Variants in MLLT10 observed in about 807,000 individuals in gnomAD.
The protein encoded by MLLT10 is protein AF-10.
MLLT10 carries 30 observed loss-of-function variants against 129.1 expected under a neutral mutation model. The ratio of observed to expected loss-of-function variants is 0.23; its 90% confidence interval spans 0.17 to 0.32. The LOEUF is 0.32. MLLT10 is among the 10% of genes least tolerant of loss of function. MLLT10 has a pLI of 1.00. For missense variants in MLLT10, 1,119 were observed against 1,268.3 expected (o/e 0.88, Z 1.79); for synonymous variants, 490 against 446.4 (o/e 1.10, Z -1.23).
chr10:21,738,626 C>T (rs2058578962), intron 21 of MLLT10: 2 of 1,145,476 alleles, frequency 1.7e-6, no homozygotes, highest in Non-Finnish European at 1.1e-6. Flanking sequence ...CTGCTTCCCC[C>T]AGATGACTTG....
intron 9 of MLLT10, among the ~76,000 whole-genome samples, chr10:21,660,908 T>G (rs1355283758): frequency 6.6e-6 from 1 of 151,742 alleles, no homozygotes; most frequent in Non-Finnish European, 1.5e-5. Flanking sequence ...ATTGTTCTTC[T>G]ATCTTCTTTT....
chr10:21,621,775 A>G (rs1011057277), intron 8 of MLLT10, among the ~76,000 whole-genome samples: 6 of 152,156 alleles, frequency 3.9e-5, no homozygotes, highest in African/African-American at 1.2e-4. Context: ...TTCATTTCCC[A>G]TGAATGTGGG....
At chr10:21,618,185 G>A (rs576216100) in intron 8 of MLLT10, among the ~76,000 whole-genome samples, 1 of 152,234 alleles carries the variant, frequency 6.6e-6, no homozygotes, top group Admixed American at 6.5e-5. Flanking sequence ...TTGTAAATAT[G>A]ATTTGGTAAA....
intron 8 of MLLT10, among the ~76,000 whole-genome samples, chr10:21,630,159 G>A (rs546023390): frequency 6.6e-6 from 1 of 152,122 alleles, no homozygotes; most frequent in African/African-American, 2.4e-5. Flanking sequence ...TAGGCAGATT[G>A]GGTATACAAA....
intron 11 of MLLT10, among the ~76,000 whole-genome samples, chr10:21,674,519 T>TTTA (rs1415003445): frequency 6.6e-6 from 1 of 152,224 alleles, no homozygotes; most frequent in Non-Finnish European, 1.5e-5. Flanking sequence ...TACCATTCTT[T>TTTA]TTATTATAAG....
chr10:21,736,098 A>C (rs1404574048), intron 21 of MLLT10, among the ~76,000 whole-genome samples: 1 of 152,196 alleles, frequency 6.6e-6, no homozygotes, highest in Non-Finnish European at 1.5e-5. Context: ...TTTGAACAGA[A>C]TAGTGAAATA....
At chr10:21,582,937 G>A (rs952662448) in intron 3 of MLLT10, among the ~76,000 whole-genome samples, 1 of 152,194 alleles carries the variant, frequency 6.6e-6, no homozygotes. Context: ...AGGAGGCTGA[G>A]GTGAGTGGAT....
At chr10:21,564,248 C>T (rs2039252698) in intron 3 of MLLT10, among the ~76,000 whole-genome samples, 1 of 152,112 alleles carries the variant, frequency 6.6e-6, no homozygotes. Context: ...TACACCCAGC[C>T]ATTGTTTTTA....
chr10:21,738,515 T>A (rs2058566664), intron 21 of MLLT10: 1 of 1,288,134 alleles, frequency 7.8e-7, no homozygotes, highest in Non-Finnish European at 1.0e-6. Context: ...TCTGCCAATG[T>A]CGTGGGCTAA....
chr10:21,567,473 A>ATGCCTTATTACTGGCAGATGG (rs1395145345), intron 3 of MLLT10, among the ~76,000 whole-genome samples: 1 of 152,088 alleles, frequency 6.6e-6, no homozygotes. Flanking sequence ...ACAGGGAGGG[A>ATGCCTTATTACTGGCAGATGG]TGCCTTATTA....
At chr10:21,676,495 C>T (rs1452574674) in intron 11 of MLLT10, among the ~76,000 whole-genome samples, 2 of 150,974 alleles carry the variant, frequency 1.3e-5, no homozygotes, top group Non-Finnish European at 2.9e-5. Flanking sequence ...CCGAGGTGGG[C>T]AGGTCACCTG....
chr10:21,557,239 CAGTT>C, intron 3 of MLLT10: 22 of 1,044,396 alleles, frequency 2.1e-5, no homozygotes, highest in South Asian at 3.0e-5. Context: ...AGTTATAACT[CAGTT>C]ATTATAAGTA....
chr10:21,720,650 A>G (rs986757364), intron 14 of MLLT10, among the ~76,000 whole-genome samples: 1 of 152,252 alleles, frequency 6.6e-6, no homozygotes, highest in Non-Finnish European at 1.5e-5. Context: ...AGTTTAAAAC[A>G]TTACTGCATA....
chr10:21,675,683 A>G (rs1176523374), intron 11 of MLLT10, among the ~76,000 whole-genome samples: 1 of 152,218 alleles, frequency 6.6e-6, no homozygotes, highest in Admixed American at 6.5e-5. Context: ...ATTTTTAGCA[A>G]GAGGCGTAGT....
intron 13 of MLLT10, among the ~76,000 whole-genome samples, chr10:21,684,268 C>CT (rs977101848): frequency 6.6e-6 from 1 of 152,172 alleles, no homozygotes; most frequent in Non-Finnish European, 1.5e-5. Flanking sequence ...CCTTGACTCT[C>CT]TTATGTACTC....
chr10:21,733,693 A>G (rs999317108), intron 19 of MLLT10, 75 bp from the exon 20 acceptor site: 20 of 1,519,406 alleles, frequency 1.3e-5, no homozygotes, highest in Non-Finnish European at 1.8e-5. Flanking sequence ...AGTGTTCTTT[A>G]AACTTAGTTT....
rs192748075 is a variant in MLLT10 at position 21,712,908 on chromosome 10, T to A, written c.1700-864T>A. 4.4e-3 allele frequency among the ~76,000 whole-genome samples: 670 copies of A among 152,352 alleles called. 2 individuals are homozygous for A. The highest frequency in any genetic ancestry group is 6.7e-3 in the Non-Finnish European group (456 of 68,030). On this transcript the variant is annotated intron_variant, in intron 13 of 22. Transcript: ENST00000307729. ...TATGCTGAGCATGATTTTCTTTTTTTAAAAAATAAGCACTTTTAAAAAATT... is the reference window on the plus strand; with the variant it reads ...TATGCTGAGCATGATTTTCTTTTTTAAAAAAATAAGCACTTTTAAAAAATT...
chr10:21,551,289 CTTT>C lies in MLLT10; in HGVS notation c.240+12402_240+12404del, dbSNP rs11461905. On this transcript the variant is annotated intron_variant, in intron 3 of 22. Coordinates refer to ENST00000307729, the MANE Select transcript of MLLT10 (RefSeq NM_001195626.3). The stretch of plus-strand genomic sequence containing the variant: ...GTGCCAAAAAGTACTCGGATTGTAC[CTTT>C]TTTTTTTTTTTTTTTTTTTTTTTTA... Among the ~76,000 whole-genome samples the C allele has an allele frequency of 8.1e-3, 744 of 91,920 alleles. 7 individuals carry two copies. Among genetic ancestry groups the C allele is most frequent in the African/African-American group, 0.034 (620 of 18,002 alleles). 60.3% of individuals were successfully genotyped at this position (91,920 alleles called of 152,430 possible). A position where few individuals can be genotyped will look rare whatever the true frequency, so the allele number is the denominator to read the frequency against.
At chr10:21,653,998 G>T (rs752501191) in intron 9 of MLLT10, among the ~76,000 whole-genome samples, 2 of 152,198 alleles carry the variant, frequency 1.3e-5, no homozygotes, top group Non-Finnish European at 2.9e-5. Context: ...CTGAGAAGAG[G>T]CTAGAGTTTG....
Sources: gnomAD v4.1 joint callset for allele counts (sites outside exome capture counted in the v4.1 genomes callset) on GRCh38, gnomAD v4.1.1 for gene constraint, MANE v1.5 for transcripts, NCBI Gene and HGNC (gene_info 2026-07-23, HGNC 2026-07-21) for gene names.